The following FHIT variants were observed in gnomAD, a reference collection of about 807,000 sequenced individuals.
FHIT encodes bis(5'-adenosyl)-triphosphatase.
FHIT carries 19 observed loss-of-function variants against 17.9 expected under a neutral mutation model. The ratio of observed to expected loss-of-function variants is 1.06; its 90% CI spans 0.74 to 1.56. FHIT has a LOEUF of 1.56. Ranked by LOEUF, FHIT falls within the 40% of genes most tolerant of loss-of-function variation. The probability of loss-of-function intolerance (pLI) is 0.00; values close to 1 mark genes in which losing one functional copy is unlikely to be tolerated. For synonymous variants in FHIT, 81 were observed against 69.7 expected, an observed-to-expected ratio of 1.16 and a Z score of -0.81; for missense variants, 248 against 189.2, an observed-to-expected ratio of 1.31 and a Z score of -1.82.
chr3:60,528,115 A>G (rs1351430655), intron 5 of FHIT, among the ~76,000 whole-genome samples: 1 of 152,160 alleles, frequency 6.6e-6, no homozygotes, highest in Non-Finnish European at 1.5e-5. Context: ...TTAGGACTAC[A>G]GATGCATGCC....
At chr3:60,677,825 T>G (rs2040658752) in intron 4 of FHIT, among the ~76,000 whole-genome samples, 1 of 152,162 alleles carries the variant, frequency 6.6e-6, no homozygotes, top group South Asian at 2.1e-4. Flanking sequence ...GTTTTAAAAT[T>G]ATTGATTCAA....
intron 7 of FHIT, among the ~76,000 whole-genome samples, chr3:59,991,144 A>C (rs1377716946): frequency 1.3e-5 from 2 of 152,074 alleles, no homozygotes; most frequent in Non-Finnish European, 1.5e-5. Flanking sequence ...GAATTAGGCC[A>C]TGTGTGACAG....
chr3:60,043,825 G>T (rs1701543245), intron 5 of FHIT, among the ~76,000 whole-genome samples: 2 of 152,166 alleles, frequency 1.3e-5, no homozygotes, highest in African/African-American at 4.8e-5. Flanking sequence ...CAGCTGATTA[G>T]TATTTGATGT....
chr3:60,692,263 T>C (rs2041009553), intron 4 of FHIT, among the ~76,000 whole-genome samples: 1 of 152,298 alleles, frequency 6.6e-6, no homozygotes, highest in Middle Eastern at 3.4e-3. Context: ...CCAAAAATAT[T>C]ACTGCCCTAT....
At chr3:60,020,434 T>C (rs191651798) in intron 5 of FHIT, among the ~76,000 whole-genome samples, 28 of 152,334 alleles carry the variant, frequency 1.8e-4, no homozygotes, top group Middle Eastern at 6.8e-3. Context: ...ATTCAGAATA[T>C]AGAAGTCACC....
intron 4 of FHIT, among the ~76,000 whole-genome samples, chr3:60,684,853 C>T (rs1440621547): frequency 6.6e-6 from 1 of 152,242 alleles, no homozygotes; most frequent in East Asian, 1.9e-4. Flanking sequence ...GAGTTCAGAA[C>T]ACAATACTCC....
intron 3 of FHIT, among the ~76,000 whole-genome samples, chr3:60,903,073 T>TATG (rs1553763610): frequency 1.3e-5 from 2 of 152,184 alleles, no homozygotes; most frequent in Non-Finnish European, 2.9e-5. Flanking sequence ...CCTTACCCAT[T>TATG]CTAAAATATT....
At chr3:60,364,851 T>C (rs1700044785) in intron 5 of FHIT, among the ~76,000 whole-genome samples, 1 of 152,118 alleles carries the variant, frequency 6.6e-6, no homozygotes, top group African/African-American at 2.4e-5. Context: ...TCTCTCTGCT[T>C]GAGCTGAAAC....
At chr3:60,956,375 T>C (rs1357066331) in intron 3 of FHIT, among the ~76,000 whole-genome samples, 1 of 152,190 alleles carries the variant, frequency 6.6e-6, no homozygotes, top group East Asian at 1.9e-4. Flanking sequence ...AGGCAGCCTT[T>C]CAGATCCGAG....
At chr3:60,136,252 G>A (rs1301464803) in intron 5 of FHIT, among the ~76,000 whole-genome samples, 1 of 151,836 alleles carries the variant, frequency 6.6e-6, no homozygotes, top group Non-Finnish European at 1.5e-5. Flanking sequence ...TCAATGTCAA[G>A]GTTACTTCCC....
intron 5 of FHIT, among the ~76,000 whole-genome samples, chr3:60,320,591 T>C (rs550402401): frequency 7.9e-5 from 12 of 152,344 alleles, no homozygotes; most frequent in Non-Finnish European, 1.3e-4. Context: ...ATGCTCTGAA[T>C]GTCACATTCG....
At chr3:60,059,399 G>A (rs1430468071) in intron 5 of FHIT, among the ~76,000 whole-genome samples, 1 of 152,138 alleles carries the variant, frequency 6.6e-6, no homozygotes, top group African/African-American at 2.4e-5. Flanking sequence ...ACACATGTGG[G>A]TGGCCCACCT....
Position 61,071,543 on chromosome 3 carries a change from T to C in FHIT, c.-163-29444A>G, listed in dbSNP as rs565627301. On this transcript the variant is annotated intron_variant, in intron 2 of 9. Transcript: ENST00000492590. ...CTAATATATTTTGTTATCTATAAAA[T>C]GGATTGCTATGCAGTCATTAAAAAT... is the stretch of plus-strand genomic sequence containing the variant. 2.0e-5 allele frequency among the ~76,000 whole-genome samples: 3 copies of C among 152,320 alleles called. No homozygotes were observed. The South Asian group carries it at 6.2e-4, about 32-fold the overall frequency.
intron 3 of FHIT, among the ~76,000 whole-genome samples, chr3:60,933,457 G>A (rs1708056844): frequency 6.6e-6 from 1 of 152,178 alleles, no homozygotes; most frequent in Non-Finnish European, 1.5e-5. Context: ...ACTCCGGTGT[G>A]TAGTTGACAC....
chr3:60,049,970 T>C (rs375706959), intron 5 of FHIT, among the ~76,000 whole-genome samples: 12 of 152,322 alleles, frequency 7.9e-5, no homozygotes, highest in Non-Finnish European at 1.8e-4. Context: ...ATCTTTCTTG[T>C]TGCTTTTGGT....
chr3:60,934,141 C>T (rs782268609), intron 3 of FHIT, among the ~76,000 whole-genome samples: 1 of 152,062 alleles, frequency 6.6e-6, no homozygotes, highest in African/African-American at 2.4e-5. Flanking sequence ...GAAATAAGTA[C>T]GTTGGTTACC....
intron 2 of FHIT, among the ~76,000 whole-genome samples, chr3:61,068,173 C>T (rs2034676854): frequency 6.6e-6 from 1 of 152,182 alleles, no homozygotes; most frequent in African/African-American, 2.4e-5. Flanking sequence ...AATTCATTAT[C>T]TTACTATTCT....
chr3:59,787,739 G>A (rs1699374803), intron 8 of FHIT, among the ~76,000 whole-genome samples: 1 of 152,212 alleles, frequency 6.6e-6, no homozygotes, highest in African/African-American at 2.4e-5. Context: ...AATGATGTAG[G>A]CACTACTATT....
At chr3:60,829,795 T>A (rs1158668266) in intron 3 of FHIT, among the ~76,000 whole-genome samples, 2 of 150,818 alleles carry the variant, frequency 1.3e-5, no homozygotes, top group Non-Finnish European at 3.0e-5. Context: ...CCCCACAACA[T>A]CCTTCTTTAG....
Sources: gnomAD v4.1 joint callset for allele counts (sites outside exome capture counted in the v4.1 genomes callset) on GRCh38, gnomAD v4.1.1 for gene constraint, MANE v1.5 for transcripts, NCBI Gene and HGNC (gene_info 2026-07-23, HGNC 2026-07-21) for gene names.